EPS8L2: variants seen among roughly 807,000 people sequenced by gnomAD.
EPS8L2 encodes epidermal growth factor receptor kinase substrate 8-like protein 2.
EPS8L2 carries 81 observed loss-of-function variants against 99.4 expected under a neutral mutation model. That is an observed-to-expected ratio of 0.82 (90% CI 0.68 to 0.98). The LOEUF (loss-of-function observed/expected upper bound fraction) is 0.98, where lower values mean the gene tolerates loss of function less well. Ranked by LOEUF, EPS8L2 falls within the 50% of genes least tolerant of loss-of-function variation. EPS8L2 has a pLI of 0.00. For synonymous variants in EPS8L2, 509 were observed against 407.3 expected (o/e 1.25, Z -3.01); for missense variants, 1,155 against 968.8 (o/e 1.19, Z -2.55).
rs2133544796 is a variant in EPS8L2 at position 727,086 on chromosome 11, G to A, written c.*105G>A. 3 of 836,280 alleles carry A rather than the reference G, an allele frequency of 3.6e-6. No homozygotes were observed. The highest frequency in any genetic ancestry group is 3.3e-5 in the South Asian group (2 of 60,234). The allele number at this position is 836,280 out of a possible 1,614,324, so 51.8% of individuals were successfully genotyped here. On this transcript the variant is annotated 3_prime_UTR_variant, in exon 21 of 21. Transcript: ENST00000318562. ...ATTTTGTATCAAGGACACGGAGGGG[G>A]TGTGGTGCTGGCTAGAGGTCCCTGC...
chr11:709,802 T>A (rs895602773), intron 3 of EPS8L2, 194 bp downstream of exon 3: 1 of 624,752 alleles, frequency 1.6e-6, no homozygotes, highest in Non-Finnish European at 2.8e-6. Flanking sequence ...CCCACACCCG[T>A]AAGGGGAGAG....
At position 710,284 on chromosome 11, in the gene EPS8L2, ATCCT is replaced by A. The variant is rs888785270; in HGVS notation, c.101-133_101-130del. 3.9e-6 allele frequency: 3 copies of A among 772,354 alleles called. No homozygotes were observed. The African/African-American group carries it at 5.1e-5, about 13-fold the overall frequency. 47.8% of individuals were successfully genotyped at this position (772,354 alleles called of 1,614,324 possible). On this transcript the variant is annotated intron_variant, in intron 3 of 20. Coordinates refer to ENST00000318562, the MANE Select transcript of EPS8L2 (RefSeq NM_022772.4). ...CTGCAGGTCCTGATTTCACACCCACATCCTTCCTGGTGGCCAAGAGGTCCACGGA... is the reference window on the plus strand; with the variant it reads ...CTGCAGGTCCTGATTTCACACCCACATCCTGGTGGCCAAGAGGTCCACGGA...
chr11:726,822 G>A (rs1862344023), intron 20 of EPS8L2, 71 bp downstream of exon 20: 3 of 1,583,608 alleles, frequency 1.9e-6, no homozygotes, highest in Admixed American at 1.8e-5. Flanking sequence ...CCCGTTCCTG[G>A]GGTCGCAGAG....
chr11:709,187 G>GGCCAACTGGGACGTGGA, intron 1 of EPS8L2, 143 bp from the exon 2 acceptor site: 1 of 617,108 alleles, frequency 1.6e-6, no homozygotes, highest in Non-Finnish European at 2.8e-6. Context: ...TGGGACGTGG[G>GGCCAACTGGGACGTGGA]GCCAACTGGG....
chr11:722,371 C>T lies in EPS8L2; in HGVS notation c.1060-30C>T, dbSNP rs926480613. The T allele has an allele frequency of 3.1e-5, 50 of 1,607,334 alleles. 1 individual carries two copies. Among genetic ancestry groups the T allele is most frequent in the Non-Finnish European group, 4.2e-5 (50 of 1,176,740 alleles). The stretch of plus-strand genomic sequence containing the variant: ...GTGCTGGGCCAGGGTCTGTGGGCCT[C>T]AGTCCCCTCTGAACCTCACTGTGCC... On this transcript the variant is annotated intron_variant, in intron 12 of 20. Transcript: ENST00000318562.
rs1276796052 is a variant in EPS8L2 at position 726,100 on chromosome 11, C to T, written c.1683C>T (p.Ala561=). 2 of 1,589,610 alleles carry T rather than the reference C, an allele frequency of 1.3e-6. No homozygotes were observed. Among genetic ancestry groups the T allele is most frequent in the African/African-American group, 1.3e-5 (1 of 74,140 alleles). ...CTAATCGCCCCCCGCCCCCGCAGGC[C>T]GGTCAGAAGTACTGGGGCCCCGCCA... is the stretch of plus-strand genomic sequence containing the variant. ...PEDAGAPFEQ[A]GQKYWGPASP... The change falls in exon 18 of 21, where the codon GCC becomes GCT. Residue 561 remains alanine, a splice_region_variant and synonymous_variant. Transcript: ENST00000318562.
rs955864304 is a variant in EPS8L2 at position 720,666 on chromosome 11, C to G, written c.397C>G (p.Pro133Ala). Residue 133 changes from proline (P) to alanine (A), a missense_variant, in exon 6 of 21, where the codon CCG becomes GCG. By Grantham distance (27) the Pro-to-Ala change is conservative. Transcript: ENST00000318562. ...GACGGTCCTCAACCAGCTGCGCTACCCGTCTGTGCTGCTGCTCGTGTGCCA... is the reference window on the plus strand; with the variant it reads ...GACGGTCCTCAACCAGCTGCGCTACGCGTCTGTGCTGCTGCTCGTGTGCCA... ...SQTVLNQLRY[P>A]SVLLLVCQDS... 4.4e-6 allele frequency: 7 copies of G among 1,597,234 alleles called. No homozygotes were observed. The highest frequency in any genetic ancestry group is 3.4e-5 in the South Asian group (3 of 88,084).
intron 4 of EPS8L2, among the ~76,000 whole-genome samples, chr11:718,223 C>G (rs957939413): frequency 6.6e-6 from 1 of 151,872 alleles, no homozygotes; most frequent in Non-Finnish European, 1.5e-5. Context: ...ATCCCACGTA[C>G]TCGGGAAGCT....
chr11:709,544 C>T lies in EPS8L2; in HGVS notation c.45-9C>T. On this transcript the variant is annotated splice_polypyrimidine_tract_variant and intron_variant, in intron 2 of 20. Transcript: ENST00000318562. ...GTTTGGCCCTGCCCTGACAGCCCCT[C>T]CCCTGCAGTGGCAGCCTGGGCCGGT... 6.2e-7 allele frequency: 1 copy of T among 1,612,906 alleles called. No homozygotes were observed. The highest frequency in any genetic ancestry group is 8.5e-7 in the Non-Finnish European group (1 of 1,179,842).
rs1012973631 is a variant in EPS8L2 at position 720,622 on chromosome 11, C to T, written c.353C>T (p.Pro118Leu). Reference sequence around the variant, plus strand: ...GAGGAGCTGGAAGACTTCCCGCTGCCCACGGTGCAGCGCAGCCAGACGGTC... The same window carrying T: ...GAGGAGCTGGAAGACTTCCCGCTGCTCACGGTGCAGCGCAGCCAGACGGTC... ...SQEELEDFPL[P>L]TVQRSQTVLN... Residue 118 changes from proline (P) to leucine (L), a missense_variant, in exon 6 of 21, where the codon CCC becomes CTC. Transcript: ENST00000318562. 1.2e-6 allele frequency: 2 copies of T among 1,600,256 alleles called. No homozygotes were observed. Among genetic ancestry groups the T allele is most frequent in the Non-Finnish European group, 8.5e-7 (1 of 1,175,138 alleles).
In EPS8L2 at chr11:726,469, A is replaced by G. The variant is rs765791947; in HGVS notation, c.1919A>G (p.Lys640Arg). 21 of 1,567,606 alleles carry G rather than the reference A, an allele frequency of 1.3e-5. No individual in the cohort carries two copies. In the Admixed American group the frequency reaches 2.1e-4, roughly 16 times the overall value. ...GAGGTCCGCGCCTGGCTGGAAGCCA[A>G]GGCCTTCAGCCCGCGGTGAGCGGGG... ...PDEVRAWLEAKAFSPRIVENL... is the reference protein window; with the variant it reads ...PDEVRAWLEARAFSPRIVENL... Residue 640 changes from lysine (K) to arginine (R), a missense_variant, in exon 19 of 21, where the codon AAG becomes AGG. By Grantham distance (26) the Lys-to-Arg change is conservative. Coordinates refer to ENST00000318562, the MANE Select transcript of EPS8L2 (RefSeq NM_022772.4).
At chr11:716,618 C>T (rs1004982739) in intron 4 of EPS8L2, among the ~76,000 whole-genome samples, 2 of 152,202 alleles carry the variant, frequency 1.3e-5, no homozygotes, top group East Asian at 3.8e-4. Flanking sequence ...CTACATTCTC[C>T]TTGCAGCACT....
chr11:726,335 C>G lies in EPS8L2; in HGVS notation c.1785C>G (p.Asp595Glu). 2 of 1,610,576 alleles carry G rather than the reference C, an allele frequency of 1.2e-6. No individual in the cohort carries two copies. Among genetic ancestry groups the G allele is most frequent in the Non-Finnish European group, 1.7e-6 (2 of 1,179,110 alleles). The part of the protein sequence containing the change: ...ELMQHMDEVN[D>E]ELIRKISNIR... Reference sequence around the variant, plus strand: ...TGCAGCACATGGACGAGGTCAACGACGAGCTCATCCGGAAAATCAGCAACA... The same window carrying G: ...TGCAGCACATGGACGAGGTCAACGAGGAGCTCATCCGGAAAATCAGCAACA... The change falls in exon 19 of 21, where the codon GAC (aspartate) becomes GAG (glutamate). Residue 595 changes from aspartate to glutamate, a missense_variant. Asp to Glu is a conservative substitution (Grantham distance 45). Coordinates refer to ENST00000318562, the MANE Select transcript of EPS8L2 (RefSeq NM_022772.4).
At chr11:725,250 C>G (rs888666274) in intron 16 of EPS8L2, among the ~76,000 whole-genome samples, 8 of 152,344 alleles carry the variant, frequency 5.3e-5, no homozygotes, top group Admixed American at 5.2e-4. Flanking sequence ...CGGCGGCTCA[C>G]GCCTGTAACC....
Position 710,474 on chromosome 11 carries a change from G to T in EPS8L2, c.153G>T (p.Gln51His), listed in dbSNP as rs753096193. 1 of 1,613,772 alleles carries T rather than the reference G, an allele frequency of 6.2e-7. No homozygotes were observed. Among genetic ancestry groups the T allele is most frequent in the Admixed American group, 1.7e-5 (1 of 60,026 alleles). Residue 51 changes from glutamine (Q) to histidine (H), a missense_variant, in exon 4 of 21, where the codon CAG (glutamine) becomes CAT (histidine). Coordinates refer to ENST00000318562, the MANE Select transcript of EPS8L2 (RefSeq NM_022772.4). ...ACGTCATCATGCACGAGACCTCGCA[G>T]TACCACGTCCAGGTAAGGCCCCGCC... ...NSNVIMHETS[Q>H]YHVQHLATFI...
intron 4 of EPS8L2, among the ~76,000 whole-genome samples, chr11:711,334 T>C (rs1031798871): frequency 1.1e-4 from 17 of 151,694 alleles, no homozygotes; most frequent in Non-Finnish European, 2.1e-4. Context: ...GTCTCTCTCT[T>C]TTCTTTTCTT....
At chr11:720,515 A>G in intron 5 of EPS8L2, 82 bp from the exon 6 acceptor site, 1 of 1,545,700 alleles carries the variant, frequency 6.5e-7, no homozygotes, top group Non-Finnish European at 8.7e-7. Context: ...CCTGTGCTCC[A>G]GGCTTGTCCA....
chr11:724,606 C>T lies in EPS8L2; in HGVS notation c.1455-118C>T, dbSNP rs1199817266. The T allele has an allele frequency of 1.4e-6, 1 of 714,702 alleles. No homozygotes were observed. The highest frequency in any genetic ancestry group is 2.5e-6 in the Non-Finnish European group (1 of 401,202). The allele number at this position is 714,702 out of a possible 1,614,324, so 44.3% of individuals were successfully genotyped here. On this transcript the variant is annotated intron_variant, in intron 15 of 20. Coordinates refer to ENST00000318562, the MANE Select transcript of EPS8L2 (RefSeq NM_022772.4). This position sits in a 1 kb window ranked among gnomAD's most constrained non-coding sequence, Gnocchi z 5.5. ...TGCAGCCTCTCTCCACGGTGACCTCCAGAACAGAAAAGAGGCAGCCAGTCG... is the reference window on the plus strand; with the variant it reads ...TGCAGCCTCTCTCCACGGTGACCTCTAGAACAGAAAAGAGGCAGCCAGTCG...
chr11:707,114 C>T (rs1861745937), intron 1 of EPS8L2, among the ~76,000 whole-genome samples: 1 of 151,886 alleles, frequency 6.6e-6, no homozygotes, highest in South Asian at 2.1e-4. Flanking sequence ...GGCGGCCCCT[C>T]CCCTCGCGGC....
Sources: gnomAD v4.1 joint callset for allele counts (sites outside exome capture counted in the v4.1 genomes callset) on GRCh38, gnomAD v4.1.1 for gene constraint, Gnocchi (gnomAD v3.1) non-coding constraint, MANE v1.5 for transcripts, NCBI Gene and HGNC (gene_info 2026-07-23, HGNC 2026-07-21) for gene names.